Variants in RIC1 observed in about 807,000 individuals in gnomAD.
The protein encoded by RIC1 is RIC1 partner of RAB6A GEF complex.
In RIC1, 88 loss-of-function variants were observed where a neutral mutation model predicts 169.0. The observed-to-expected ratio is 0.52, with a 90% CI of 0.44 to 0.62. The LOEUF is 0.62. RIC1 is among the 20% of genes least tolerant of loss of function. The pLI is 0.00. For synonymous variants in RIC1, 790 were observed against 601.5 expected (o/e 1.31, Z -4.59); for missense variants, 1,877 against 1,725.5 (o/e 1.09, Z -1.56).
rs570631779 is a variant in RIC1 at position 5,647,144 on chromosome 9, G to T, written c.145-9439G>T. Among the ~76,000 whole-genome samples the T allele has an allele frequency of 7.7e-4, 117 of 152,242 alleles. 1 individual carries two copies. Among genetic ancestry groups the T allele is most frequent in the South Asian group, 4.1e-4 (2 of 4,826 alleles). ...CTATTTATGCAAGAGTGTATTTCTG[G>T]ACTCTGTGTTTTATTCTGTTGGTCT... On this transcript the variant is annotated intron_variant, in intron 1 of 25. Coordinates refer to ENST00000414202, the MANE Select transcript of RIC1 (RefSeq NM_020829.4).
At chr9:5,672,536 A>G (rs929727488) in intron 2 of RIC1, among the ~76,000 whole-genome samples, 1 of 152,232 alleles carries the variant, frequency 6.6e-6, no homozygotes, top group African/African-American at 2.4e-5. Flanking sequence ...GATGTAAGGC[A>G]TATAGAAATA....
At chr9:5,657,034 C>T (rs1290209418) in intron 2 of RIC1, among the ~76,000 whole-genome samples, 1 of 152,028 alleles carries the variant, frequency 6.6e-6, no homozygotes, top group East Asian at 1.9e-4. Context: ...GACTCTGCTG[C>T]TTCCTTCCAT....
chr9:5,720,610 T>C lies in RIC1; in HGVS notation c.584-4T>C. 1 of 1,581,102 alleles carries C rather than the reference T, an allele frequency of 6.3e-7. No homozygotes were observed. Among genetic ancestry groups the C allele is most frequent in the Non-Finnish European group, 8.5e-7 (1 of 1,170,672 alleles). On this transcript the variant is annotated splice_polypyrimidine_tract_variant and splice_region_variant and intron_variant, in intron 5 of 25. Transcript: ENST00000414202. ...CTATTTCATGTGCTTATTTTTTTCA[T>C]CAGTAGGTTCATTCCTGGGCTTCAC...
intron 6 of RIC1, among the ~76,000 whole-genome samples, chr9:5,728,253 C>T (rs1176090962): frequency 1.3e-5 from 2 of 152,250 alleles, no homozygotes; most frequent in African/African-American, 2.4e-5. Flanking sequence ...GTAGACACCC[C>T]TCCCCCAGCT....
intron 19 of RIC1, among the ~76,000 whole-genome samples, 186 bp downstream of exon 19, chr9:5,764,054 T>C (rs1247713337): frequency 6.6e-6 from 1 of 152,200 alleles, no homozygotes; most frequent in Non-Finnish European, 1.5e-5. Flanking sequence ...TGCAGAGATA[T>C]TTTTTCCATT....
At chr9:5,674,676 A>T (rs899084963) in intron 2 of RIC1, among the ~76,000 whole-genome samples, 5 of 152,356 alleles carry the variant, frequency 3.3e-5, no homozygotes, top group Admixed American at 3.3e-4. Flanking sequence ...CTGTTTAATG[A>T]TGCCAGACGA....
At position 5,765,429 on chromosome 9, in the gene RIC1, G is replaced by A. The variant is rs368365784; in HGVS notation, c.2857G>A (p.Ala953Thr). The part of the protein sequence containing the change: ...LIILQNMEVP[A>T]VSRQHATLLF... ...TTTTTTGTAGAATATGGAAGTCCCT[G>A]CAGTAAGTAGGCAACATGCTACCCT... The change falls in exon 20 of 26, where the codon GCA (alanine) becomes ACA (threonine). Residue 953 changes from alanine (A) to threonine (T), a missense_variant. Coordinates refer to ENST00000414202, the MANE Select transcript of RIC1 (RefSeq NM_020829.4). 6.2e-7 allele frequency: 1 copy of A among 1,613,730 alleles called. No homozygotes were observed. Among genetic ancestry groups the A allele is most frequent in the Non-Finnish European group, 8.5e-7 (1 of 1,179,828 alleles).
At chr9:5,695,294 G>T (rs1163914064) in intron 3 of RIC1, among the ~76,000 whole-genome samples, 1 of 152,134 alleles carries the variant, frequency 6.6e-6, no homozygotes, top group Non-Finnish European at 1.5e-5. Flanking sequence ...AAGAAATGAT[G>T]AACTTTTTTT....
chr9:5,650,923 G>T (rs1818767388), intron 1 of RIC1, among the ~76,000 whole-genome samples: 1 of 152,134 alleles, frequency 6.6e-6, no homozygotes, highest in African/African-American at 2.4e-5. Flanking sequence ...ATGTTAGTAG[G>T]GCTTTACTAA....
chr9:5,695,635 T>C (rs539755937), intron 3 of RIC1, among the ~76,000 whole-genome samples: 1 of 150,384 alleles, frequency 6.6e-6, no homozygotes, highest in East Asian at 2.0e-4. Flanking sequence ...TGCAGTGGCG[T>C]GATCTTGGCT....
chr9:5,743,114 T>A, intron 9 of RIC1, 101 bp downstream of exon 9: 1 of 1,076,338 alleles, frequency 9.3e-7, no homozygotes, highest in Middle Eastern at 2.5e-4. Flanking sequence ...TTGCCTTGAC[T>A]CTTACCTTAA....
At chr9:5,667,189 G>A (rs1586909715) in intron 2 of RIC1, among the ~76,000 whole-genome samples, 1 of 152,076 alleles carries the variant, frequency 6.6e-6, no homozygotes, top group African/African-American at 2.4e-5. Context: ...AGGTGAGTTG[G>A]CACATGATTG....
rs1338660260 is a variant in RIC1 at position 5,772,569 on chromosome 9, G to A, written c.3622G>A (p.Glu1208Lys). Residue 1208 changes from glutamate to lysine, a missense_variant, in exon 24 of 26, where the codon GAA becomes AAA. By Grantham distance (56) the Glu-to-Lys change is moderately conservative. Transcript: ENST00000414202. ...TTTTGGCAATTCTTCATCAGGTGATGAATGCAGTATTGGTTCAGCCACAGA... is the reference window on the plus strand; with the variant it reads ...TTTTGGCAATTCTTCATCAGGTGATAAATGCAGTATTGGTTCAGCCACAGA... ...FLSPLSNKGD[E>K]CSIGSATDLT... 6.3e-7 allele frequency: 1 copy of A among 1,590,638 alleles called. No homozygotes were observed. The highest frequency in any genetic ancestry group is 1.2e-5 in the South Asian group (1 of 86,154).
chr9:5,702,087 C>G (rs1279183760), intron 3 of RIC1, among the ~76,000 whole-genome samples: 3 of 152,098 alleles, frequency 2.0e-5, no homozygotes, highest in Admixed American at 2.0e-4. Flanking sequence ...TTTTCCCAGT[C>G]TGAAGCTCAT....
rs552561599 is a variant in RIC1 at position 5,692,591 on chromosome 9, T to A, written c.332+2553T>A. Among the ~76,000 whole-genome samples, 6 of 152,204 alleles carry A rather than the reference T, an allele frequency of 3.9e-5. No homozygotes were observed. In the East Asian group the frequency reaches 1.2e-3, roughly 29 times the overall value. Reference sequence around the variant, plus strand: ...TCTGCAGATTAAAGTCAGCCTGTTGTGTATTTGTGTGCTTGACTGTTCTAG... The same window carrying A: ...TCTGCAGATTAAAGTCAGCCTGTTGAGTATTTGTGTGCTTGACTGTTCTAG... On this transcript the variant is annotated intron_variant, in intron 3 of 25. Coordinates refer to ENST00000414202, the MANE Select transcript of RIC1 (RefSeq NM_020829.4).
rs773249137 is a variant in RIC1, at chr9:5,753,545, A to G, written c.1501A>G (p.Ile501Val). 11 of 1,596,326 alleles carry G rather than the reference A, an allele frequency of 6.9e-6. No homozygotes were observed. The highest frequency in any genetic ancestry group is 1.7e-4 in the Middle Eastern group (1 of 6,008). ...ESNWPIRFSA[I>V]DKLGQNIAVV... The stretch of plus-strand genomic sequence containing the variant: ...TTTTTTTTTTAAACAGTTTTCAGCT[A>G]TTGATAAGCTTGGACAGAATATTGC... Residue 501 changes from isoleucine to valine, a missense_variant, in exon 14 of 26, where the codon ATT becomes GTT. Ile to Val is a conservative substitution (Grantham distance 29). Around this residue, in one of 3 missense-constraint regions of RIC1, gnomAD observed 1,104 missense variants for 992.0 expected, o/e 1.11. Coordinates refer to ENST00000414202, the MANE Select transcript of RIC1 (RefSeq NM_020829.4).
At chr9:5,697,045 A>C (rs1046863493) in intron 3 of RIC1, among the ~76,000 whole-genome samples, 4 of 152,226 alleles carry the variant, frequency 2.6e-5, no homozygotes, top group Admixed American at 6.5e-5. Context: ...TGGGTAGCCA[A>C]AAACCCTAGT....
chr9:5,714,974 G>A (rs1207884019), intron 4 of RIC1, among the ~76,000 whole-genome samples: 1 of 152,158 alleles, frequency 6.6e-6, no homozygotes, highest in African/African-American at 2.4e-5. Flanking sequence ...TCTCTTGTTA[G>A]AGTACTGTAC....
chr9:5,755,078 T>C (rs1009077676), intron 15 of RIC1, 148 bp downstream of exon 15: 10 of 458,224 alleles, frequency 2.2e-5, no homozygotes, highest in Non-Finnish European at 2.9e-5. Context: ...GTAGTGGGAT[T>C]TTCTTTTCAG....
Sources: allele counts gnomAD v4.1 joint callset (sites outside exome capture counted in the v4.1 genomes callset), GRCh38; gene constraint gnomAD v4.1.1; regional missense constraint gnomAD v4.1.1; transcripts MANE v1.5; gene names NCBI Gene and HGNC (gene_info 2026-07-23, HGNC 2026-07-21).